The following GSE1 variants were observed in gnomAD, a reference collection of about 807,000 sequenced individuals.
GSE1 encodes the protein Gse1 coiled-coil protein, also known as genetic suppressor element 1.
A neutral mutation model predicts 112.6 loss-of-function variants in GSE1; 32 were observed. That is an observed-to-expected ratio of 0.28 (90% CI 0.21 to 0.38). The LOEUF (loss-of-function observed/expected upper bound fraction) is 0.38. Among genes scored for constraint, GSE1 ranks in the 10% least tolerant of loss-of-function variants. GSE1 has a pLI of 1.00. For synonymous variants in GSE1, 1,115 were observed against 735.6 expected, an observed-to-expected ratio of 1.52 and a Z score of -8.35; for missense variants, 2,348 against 1,699.2, an observed-to-expected ratio of 1.38 and a Z score of -6.71.
chr16:85,222,139 C>A (rs11149723), intron 1 of GSE1, among the ~76,000 whole-genome samples: 35 of 152,072 alleles, frequency 2.3e-4, no homozygotes, highest in African/African-American at 8.2e-4. Flanking sequence ...GATGCTGGCA[C>A]CCACTGCCCC....
At chr16:85,489,545 C>T (rs1031609380) in intron 2 of GSE1, among the ~76,000 whole-genome samples, 52 of 152,208 alleles carry the variant, frequency 3.4e-4, no homozygotes, top group African/African-American at 1.1e-3. Flanking sequence ...GTGCCCACCC[C>T]GCAGCGCCTG....
At chr16:85,181,564 C>T (rs957263058) in intron 1 of GSE1, among the ~76,000 whole-genome samples, 7 of 152,230 alleles carry the variant, frequency 4.6e-5, no homozygotes, top group South Asian at 2.1e-4. Flanking sequence ...CTCTCAGTTC[C>T]GGAGGGAGAG....
At chr16:85,369,290 A>G (rs1289925776) in intron 2 of GSE1, among the ~76,000 whole-genome samples, 1 of 151,930 alleles carries the variant, frequency 6.6e-6, no homozygotes, top group East Asian at 1.9e-4. Flanking sequence ...ATCACGGCTC[A>G]CTGCAACCTT....
rs148884659 is a variant in GSE1 at position 85,255,943 on chromosome 16, C to T, written c.2283+84136C>T. Among the ~76,000 whole-genome samples, 443 of 151,572 alleles carry T rather than the reference C, an allele frequency of 2.9e-3. 1 individual carries two copies. Among genetic ancestry groups the T allele is most frequent in the African/African-American group, 0.01 (415 of 41,402 alleles). Reference sequence around the variant, plus strand: ...GCTCAAGCAGTCCTCCTACCACAGCCTCCCAAAGTGCTGGGAATACAGGCG... The same window carrying T: ...GCTCAAGCAGTCCTCCTACCACAGCTTCCCAAAGTGCTGGGAATACAGGCG... On this transcript the variant is annotated intron_variant, in intron 1 of 2. Coordinates refer to the GSE1 transcript ENST00000637419.
At chr16:85,478,905 TTC>T (rs753926706) in intron 2 of GSE1, among the ~76,000 whole-genome samples, 5,689 of 77,400 alleles carry the variant, frequency 0.074, 451 homozygotes, top group Middle Eastern at 0.13. Context: ...CTTTCTTTCT[TTC>T]TTTCTTTCTT....
intron 2 of GSE1, among the ~76,000 whole-genome samples, chr16:85,499,528 G>A (rs917497042): frequency 2.6e-5 from 4 of 151,708 alleles, no homozygotes; most frequent in Non-Finnish European, 4.4e-5. Context: ...GGATGGTCTC[G>A]ATCTCCTGGC....
At chr16:85,429,962 G>T (rs563237805) in intron 2 of GSE1, among the ~76,000 whole-genome samples, 1 of 152,360 alleles carries the variant, frequency 6.6e-6, no homozygotes, top group Admixed American at 6.5e-5. Context: ...ACTGTGAACA[G>T]AGCCTGGCAT....
At chr16:85,658,995 G>T (rs185704365) in intron 8 of GSE1, among the ~76,000 whole-genome samples, 1 of 152,220 alleles carries the variant, frequency 6.6e-6, no homozygotes, top group Non-Finnish European at 1.5e-5. Flanking sequence ...GTGAACTTGG[G>T]GGCCTGACAG....
rs188839222 is a variant in GSE1 at position 85,281,675 on chromosome 16, A to T, written c.2284-75788A>T. Among the ~76,000 whole-genome samples the T allele has an allele frequency of 5.9e-5, 9 of 152,312 alleles. No individual in the cohort carries two copies. The East Asian group carries it at 1.7e-3, about 29-fold the overall frequency. ...AACTCAAGTTCCCTCCTACCTGGTC[A>T]CCGTGGGCAAAACCAAGGTGCATGG... On this transcript the variant is annotated intron_variant, in intron 1 of 2. Coordinates refer to the GSE1 transcript ENST00000637419.
chr16:85,565,114 G>A (rs1284866987), intron 1 of GSE1, among the ~76,000 whole-genome samples: 3 of 152,196 alleles, frequency 2.0e-5, no homozygotes, highest in East Asian at 1.9e-4. Context: ...CAACTTGGCC[G>A]GGCACGGTGC....
At chr16:85,621,877 C>G (rs564740815) in intron 1 of GSE1, among the ~76,000 whole-genome samples, 1 of 152,304 alleles carries the variant, frequency 6.6e-6, no homozygotes, top group African/African-American at 2.4e-5. Context: ...TCTTCCCACC[C>G]CATACTCCCC....
chr16:85,648,815 T>C (rs993787347), intron 3 of GSE1, 64 bp downstream of exon 3: 25 of 945,676 alleles, frequency 2.6e-5, no homozygotes, highest in South Asian at 1.5e-4. Context: ...CAGGCATCCA[T>C]TGGGGGCTCT....
intron 1 of GSE1, among the ~76,000 whole-genome samples, chr16:85,331,385 A>ATATATATG (rs1555563716): frequency 1.5e-4 from 21 of 135,858 alleles, no homozygotes; most frequent in African/African-American, 4.8e-4. Context: ...ATATATATGT[A>ATATATATG]TATATATGTG....
At chr16:85,475,253 G>A (rs746949501) in intron 2 of GSE1, among the ~76,000 whole-genome samples, 1 of 152,216 alleles carries the variant, frequency 6.6e-6, no homozygotes, top group Non-Finnish European at 1.5e-5. Context: ...GGCAGCAGGG[G>A]AGGGACGCTT....
At chr16:85,615,170 G>C (rs1401887317) in intron 1 of GSE1, among the ~76,000 whole-genome samples, 1 of 152,220 alleles carries the variant, frequency 6.6e-6, no homozygotes, top group African/African-American at 2.4e-5. Context: ...AGGGACGGCA[G>C]AACCTGAGGC....
At chr16:85,627,352 C>T (rs1347875998) in intron 1 of GSE1, among the ~76,000 whole-genome samples, 3 of 151,966 alleles carry the variant, frequency 2.0e-5, no homozygotes, top group Non-Finnish European at 4.4e-5. Context: ...CTGTCTAGAC[C>T]AGGTGGGTTC....
chr16:85,402,868 A>G (rs1396619403), intron 2 of GSE1, among the ~76,000 whole-genome samples: 1 of 151,572 alleles, frequency 6.6e-6, no homozygotes, highest in Non-Finnish European at 1.5e-5. Flanking sequence ...GTGAGCTTTG[A>G]TTGTGCCACT....
At chr16:85,411,012 A>G (rs76216916) in intron 2 of GSE1, among the ~76,000 whole-genome samples, 6,191 of 21,844 alleles carry the variant, frequency 0.28, 407 homozygotes, top group East Asian at 0.4. Context: ...TTACACTCAG[A>G]GCCCCCCTGG....
chr16:85,301,721 C>A (rs1460177754), intron 1 of GSE1, among the ~76,000 whole-genome samples: 2 of 152,208 alleles, frequency 1.3e-5, no homozygotes, highest in Non-Finnish European at 2.9e-5. Flanking sequence ...CCTGGGTCCC[C>A]TCCCAGGGCA....
Sources: allele counts gnomAD v4.1 joint callset (sites outside exome capture counted in the v4.1 genomes callset), GRCh38; gene constraint gnomAD v4.1.1; transcripts MANE v1.5; gene names NCBI Gene and HGNC (gene_info 2026-07-23, HGNC 2026-07-21).